THAP5: variants seen among roughly 807,000 people sequenced by gnomAD.
THAP5 encodes THAP domain-containing protein 5.
Under a neutral mutation model 34.0 loss-of-function variants are expected in THAP5, and 26 were observed. The ratio of observed to expected loss-of-function variants is 0.77; its 90% CI spans 0.56 to 1.06. THAP5 has a LOEUF of 1.06. Ranked by LOEUF, THAP5 falls within the 50% of genes least tolerant of loss-of-function variation. The pLI, the probability that THAP5 is intolerant of heterozygous loss-of-function variation, is 0.00. For missense variants in THAP5, 394 were observed against 452.8 expected (o/e 0.87, Z 1.18); for synonymous variants, 125 against 153.0 (o/e 0.82, Z 1.35).
At chr7:108,566,055 A>G in intron 1 of THAP5, 33 bp from the exon 2 acceptor site, 1 of 1,485,232 alleles carries the variant, frequency 6.7e-7, no homozygotes, top group Non-Finnish European at 8.9e-7. Context: ...GAAAAAAGGA[A>G]AAACTTTGCT....
chr7:108,555,566 T>C (rs970472061), intron 1 of THAP5, among the ~76,000 whole-genome samples: 5 of 152,156 alleles, frequency 3.3e-5, no homozygotes. Context: ...AAGAACTACC[T>C]GAGACTGGGT....
rs936850098 is a variant in THAP5 at position 108,569,676 on chromosome 7, C to T, written c.-107G>A. On this transcript the variant is annotated 5_prime_UTR_variant, in exon 1 of 3. Coordinates refer to ENST00000415914, the MANE Select transcript of THAP5 (RefSeq NM_001130475.3). Reference sequence around the variant, plus strand: ...GGCCTCTCGAGCCCCTGCGCCTGCGCTAGCATTCTGCCGGGAAAGCCGCCT... The same window carrying T: ...GGCCTCTCGAGCCCCTGCGCCTGCGTTAGCATTCTGCCGGGAAAGCCGCCT... 1.3e-5 allele frequency: 18 copies of T among 1,422,170 alleles called. No homozygotes were observed. The highest frequency in any genetic ancestry group is 2.1e-5 in the Admixed American group (1 of 46,792). 88.1% of individuals were successfully genotyped at this position (1,422,170 alleles called of 1,614,324 possible).
chr7:108,553,501 T>C (rs1864366686), downstream of THAP5, among the ~76,000 whole-genome samples: 1 of 152,250 alleles, frequency 6.6e-6, no homozygotes, highest in Admixed American at 6.5e-5. Context: ...ACTTACTCTT[T>C]GGAACTCCAC....
At chr7:108,555,028 C>G (rs1186811206) in intron 1 of THAP5, among the ~76,000 whole-genome samples, 3 of 152,148 alleles carry the variant, frequency 2.0e-5, no homozygotes, top group African/African-American at 7.2e-5. Flanking sequence ...TAAAAATTTT[C>G]ATTATAGAGC....
At chr7:108,565,638 T>C in intron 2 of THAP5, 192 bp downstream of exon 2, 1 of 439,824 alleles carries the variant, frequency 2.3e-6, no homozygotes, top group Non-Finnish European at 4.0e-6. Flanking sequence ...ATCTCTTGCT[T>C]CTCTTAAGCT....
downstream of THAP5, among the ~76,000 whole-genome samples, chr7:108,552,945 T>G (rs1343111913): frequency 6.6e-6 from 1 of 152,214 alleles, no homozygotes; most frequent in African/African-American, 2.4e-5. Flanking sequence ...ATATTCTAGC[T>G]TGTACATAGA....
Position 108,564,346 on chromosome 7 carries a change from T to A in THAP5, c.1033A>T (p.Ile345Leu). The change falls in exon 3 of 3, where the codon ATA becomes TTA. Residue 345 changes from isoleucine to leucine, a missense_variant. Physicochemically the swap from Ile to Leu is conservative, Grantham distance 5. Coordinates refer to ENST00000415914, the MANE Select transcript of THAP5 (RefSeq NM_001130475.3). ...WQKVSKLHSKITLLELKEQQT... is the reference protein window; with the variant it reads ...WQKVSKLHSKLTLLELKEQQT... Reference sequence around the variant, plus strand: ...TGCTCTTTTAACTCTAGAAGAGTTATCTTTGAATGTAGCTTAGAGACTTTC... The same window carrying A: ...TGCTCTTTTAACTCTAGAAGAGTTAACTTTGAATGTAGCTTAGAGACTTTC... 3 of 1,613,876 alleles carry A rather than the reference T, an allele frequency of 1.9e-6. No homozygotes were observed. The East Asian group carries it at 6.7e-5, about 36-fold the overall frequency.
intron 1 of THAP5, among the ~76,000 whole-genome samples, chr7:108,556,680 C>T (rs1864388042): frequency 6.6e-6 from 1 of 152,214 alleles, no homozygotes; most frequent in Non-Finnish European, 1.5e-5. Flanking sequence ...CTTTCATGGG[C>T]TGGAGTTGAG....
intron 1 of THAP5, 58 bp downstream of exon 1, chr7:108,569,432 G>A (rs1790562120): frequency 1.3e-6 from 2 of 1,550,348 alleles, no homozygotes; most frequent in Non-Finnish European, 1.7e-6. Flanking sequence ...CAAGCCCAAA[G>A]GCCACAGGTC....
the THAP5 span, among the ~76,000 whole-genome samples, chr7:108,546,476 T>G: frequency 6.6e-6 from 1 of 152,156 alleles, no homozygotes; most frequent in Non-Finnish European, 1.5e-5. Context: ...CCGCTGCCCC[T>G]GAAAAGTTCT....
downstream of THAP5, among the ~76,000 whole-genome samples, chr7:108,550,930 C>A (rs1024344181): frequency 6.6e-6 from 1 of 152,144 alleles, no homozygotes; most frequent in African/African-American, 2.4e-5. Flanking sequence ...TCCTTTCTAT[C>A]TTTTGGCTTT....
downstream of THAP5, among the ~76,000 whole-genome samples, chr7:108,559,414 A>C (rs1864410749): frequency 6.6e-6 from 1 of 152,222 alleles, no homozygotes; most frequent in Admixed American, 6.5e-5. Context: ...ATGCAGGAGA[A>C]CAAAGGGTCA....
At position 108,569,661 on chromosome 7, in the gene THAP5, G is replaced by T; in HGVS notation, c.-92C>A. 1.4e-6 allele frequency: 2 copies of T among 1,471,016 alleles called. No homozygotes were observed. Among genetic ancestry groups the T allele is most frequent in the Non-Finnish European group, 1.8e-6 (2 of 1,088,812 alleles). The allele number at this position is 1,471,016 out of a possible 1,614,324, so 91.1% of individuals were successfully genotyped here. A position where few individuals can be genotyped will look rare whatever the true frequency, so the allele number is the denominator to read the frequency against. On this transcript the variant is annotated 5_prime_UTR_variant, in exon 1 of 3. Coordinates refer to ENST00000415914, the MANE Select transcript of THAP5 (RefSeq NM_001130475.3). ...TGCGCCACAGGTCCAGGCCTCTCGA[G>T]CCCCTGCGCCTGCGCTAGCATTCTG...
At chr7:108,555,884 G>A (rs1189423659) in intron 1 of THAP5, among the ~76,000 whole-genome samples, 1 of 151,564 alleles carries the variant, frequency 6.6e-6, no homozygotes, top group African/African-American at 2.4e-5. Flanking sequence ...TGTACTTTTT[G>A]TAGAGATGGG....
intron 1 of THAP5, among the ~76,000 whole-genome samples, chr7:108,556,433 G>T (rs539081467): frequency 6.6e-6 from 1 of 152,292 alleles, no homozygotes; most frequent in South Asian, 2.1e-4. Context: ...TACAGTGGGG[G>T]TACAGGCATT....
intron 1 of THAP5, among the ~76,000 whole-genome samples, chr7:108,556,960 C>G (rs1242324966): frequency 6.6e-6 from 1 of 152,252 alleles, no homozygotes; most frequent in African/African-American, 2.4e-5. Context: ...AACCTCAACT[C>G]TTGCCTTCTG....
chr7:108,559,065 A>C (rs1239690901), downstream of THAP5, among the ~76,000 whole-genome samples: 1 of 152,240 alleles, frequency 6.6e-6, no homozygotes, highest in East Asian at 1.9e-4. Context: ...TAATGCTGAC[A>C]AAAGTACAGT....
chr7:108,560,007 A>G (rs984528624), downstream of THAP5, among the ~76,000 whole-genome samples: 7 of 152,352 alleles, frequency 4.6e-5, no homozygotes, highest in African/African-American at 1.4e-4. Context: ...TTTGATCTTA[A>G]TATCTTCAGG....
Position 108,569,634 on chromosome 7 carries a change from G to C in THAP5, c.-65C>G. The stretch of plus-strand genomic sequence containing the variant: ...ATGCAGGGCGGCCCTCCTCACTGAG[G>C]ATGCGCCACAGGTCCAGGCCTCTCG... On this transcript the variant is annotated 5_prime_UTR_variant, in exon 1 of 3. The change creates a new upstream start codon in the 5' untranslated region. Coordinates refer to ENST00000415914, the MANE Select transcript of THAP5 (RefSeq NM_001130475.3). 2.6e-6 allele frequency: 4 copies of C among 1,538,690 alleles called. No individual in the cohort carries two copies. The highest frequency in any genetic ancestry group is 2.6e-6 in the Non-Finnish European group (3 of 1,141,328).
Sources: gnomAD v4.1 joint callset for allele counts (sites outside exome capture counted in the v4.1 genomes callset) on GRCh38, gnomAD v4.1.1 for gene constraint, MANE v1.5 for transcripts, NCBI Gene and HGNC (gene_info 2026-07-23, HGNC 2026-07-21) for gene names.